Variants in TCOF1 observed in about 807,000 individuals in gnomAD.
The protein encoded by TCOF1 is treacle protein.
TCOF1 carries 33 observed loss-of-function variants against 149.0 expected under a neutral mutation model. That is an observed-to-expected ratio of 0.22 (90% CI 0.17 to 0.30). The LOEUF (loss-of-function observed/expected upper bound fraction) is 0.30, where lower values mean the gene tolerates loss of function less well. Among genes scored for constraint, TCOF1 ranks in the 10% least tolerant of loss-of-function variants. The pLI is 1.00. For missense variants in TCOF1, 1,728 were observed against 1,840.7 expected (o/e 0.94, Z 1.12); for synonymous variants, 789 against 738.8 (o/e 1.07, Z -1.10).
chr5:150,386,168 C>T (rs984646334), intron 17 of TCOF1, among the ~76,000 whole-genome samples: 3 of 152,216 alleles, frequency 2.0e-5, no homozygotes, highest in Non-Finnish European at 4.4e-5. Flanking sequence ...CCCCCTGCAC[C>T]ACCTCCCTCC....
rs750282344 is a variant in TCOF1, at chr5:150,396,746, G to C, written c.4249G>C (p.Glu1417Gln). The change falls in exon 24 of 27, where the codon GAG becomes CAG. Residue 1417 changes from glutamate (E) to glutamine (Q), a missense_variant. Transcript: ENST00000643257. Reference protein sequence around the residue: ...GSLGSQGAKDEPEEELQKGMG... With the variant: ...GSLGSQGAKDQPEEELQKGMG... ...TCTTGGCTCCCAAGGGGCCAAGGAC[G>C]AGCCAGAAGAGGAGCTTCAGAAGGG... 65 of 1,612,324 alleles carry C rather than the reference G, an allele frequency of 4.0e-5. No individual in the cohort carries two copies. Among genetic ancestry groups the C allele is most frequent in the Middle Eastern group, 3.3e-4 (2 of 6,048 alleles).
chr5:150,383,598 A>G (rs1427692552), intron 17 of TCOF1: 2 of 886,528 alleles, frequency 2.3e-6, no homozygotes, highest in Non-Finnish European at 3.6e-6. Flanking sequence ...AAGGGCAGGG[A>G]GTGTTGCCCC....
intron 4 of TCOF1, chr5:150,368,484 C>G: frequency 1.8e-6 from 1 of 571,220 alleles, no homozygotes; most frequent in Non-Finnish European, 3.1e-6. Flanking sequence ...CTACTTACCA[C>G]TTAGTAAATA....
intron 24 of TCOF1, among the ~76,000 whole-genome samples, chr5:150,398,067 C>T (rs1374144674): frequency 6.6e-6 from 1 of 152,202 alleles, no homozygotes; most frequent in Non-Finnish European, 1.5e-5. Context: ...GGACCACAGG[C>T]GTGCACCACC....
intron 26 of TCOF1, among the ~76,000 whole-genome samples, chr5:150,399,477 T>C (rs1476445475): frequency 6.6e-6 from 1 of 152,126 alleles, no homozygotes; most frequent in East Asian, 1.9e-4. Flanking sequence ...CAAGATGAGC[T>C]ATCACCATGG....
In TCOF1 at chr5:150,389,133, GTGTA is replaced by G. The variant is rs549382489; in HGVS notation, c.3047-750_3047-747del. On this transcript the variant is annotated intron_variant, in intron 18 of 26. Transcript: ENST00000643257. ...TATACATATACTTATACATATATGT[GTGTA>G]TGTGTGTGTATATTTTTTTAATAAA... 1.5e-4 allele frequency among the ~76,000 whole-genome samples: 23 copies of G among 152,232 alleles called. 1 individual carries two copies. In the East Asian group the frequency reaches 4.0e-3, roughly 27 times the overall value.
In TCOF1 at chr5:150,372,129, G is replaced by A. The variant is rs1401321682; in HGVS notation, c.763G>A (p.Gly255Arg). 1 of 1,614,114 alleles carries A rather than the reference G, an allele frequency of 6.2e-7. No individual in the cohort carries two copies. The highest frequency in any genetic ancestry group is 2.2e-5 in the East Asian group (1 of 44,892). Residue 255 changes from glycine to arginine, a missense_variant, in exon 7 of 27, where the codon GGG becomes AGG. Coordinates refer to ENST00000643257, the MANE Select transcript of TCOF1 (RefSeq NM_001371623.1). ...GGATGTGACACCCCAGGTCAAAGGA[G>A]GGGCCCTGCCCCCAGCCAAGAGGGC... is the stretch of plus-strand genomic sequence containing the variant. ...VGDVTPQVKG[G>R]ALPPAKRAKK...
In TCOF1 at chr5:150,374,733, G is replaced by A; in HGVS notation, c.1200G>A (p.Lys400=). The change falls in exon 9 of 27, where the codon AAG becomes AAA. Residue 400 remains lysine, a synonymous_variant. Transcript: ENST00000643257. ...PPGKTGPAVA[K]AQAGKREEDS... ...GGAAGACAGGGCCTGCAGTTGCCAA[G>A]GCCCAGGCGGGGAAGCGGGAGGAGG... is the stretch of plus-strand genomic sequence containing the variant. 6.2e-7 allele frequency: 1 copy of A among 1,613,096 alleles called. No homozygotes were observed. Among genetic ancestry groups the A allele is most frequent in the Non-Finnish European group, 8.5e-7 (1 of 1,179,776 alleles).
In TCOF1 at chr5:150,382,250, C is replaced by T. The variant is rs890687923; in HGVS notation, c.2859+2518C>T. ...ACCGCCTTAGCCATAGACAAGAGGC[C>T]GGTAGTTCCCATGACTGGCTGGGAG... On this transcript the variant is annotated intron_variant, in intron 17 of 26. Coordinates refer to ENST00000643257, the MANE Select transcript of TCOF1 (RefSeq NM_001371623.1). Among the ~76,000 whole-genome samples, 10 of 152,284 alleles carry T rather than the reference C, an allele frequency of 6.6e-5. No individual in the cohort carries two copies. The East Asian group carries it at 1.2e-3, about 18-fold the overall frequency.
At chr5:150,382,216 G>A (rs919026771) in intron 17 of TCOF1, among the ~76,000 whole-genome samples, 6 of 152,140 alleles carry the variant, frequency 3.9e-5, no homozygotes, top group African/African-American at 1.4e-4. Flanking sequence ...ACCTCAGGCT[G>A]GACGTTCTAC....
chr5:150,386,682 T>C (rs1766374676), intron 17 of TCOF1, among the ~76,000 whole-genome samples: 1 of 152,166 alleles, frequency 6.6e-6, no homozygotes, highest in African/African-American at 2.4e-5. Flanking sequence ...GCCCTCCAGC[T>C]CTTCACTGGC....
At chr5:150,391,509 TTG>T in intron 19 of TCOF1, 33 bp from the exon 20 acceptor site, 6 of 1,574,144 alleles carry the variant, frequency 3.8e-6, no homozygotes, top group Non-Finnish European at 5.2e-6. Flanking sequence ...TCCCAAGGAC[TTG>T]TGAGTCTGAG....
intron 1 of TCOF1, among the ~76,000 whole-genome samples, chr5:150,360,610 G>A (rs1278992072): frequency 1.3e-5 from 2 of 152,180 alleles, no homozygotes; most frequent in East Asian, 3.8e-4. Flanking sequence ...TCCACCTCTG[G>A]CCTTTCAAAG....
intron 1 of TCOF1, among the ~76,000 whole-genome samples, chr5:150,359,402 C>T (rs1459293348): frequency 1.3e-5 from 2 of 151,776 alleles, no homozygotes; most frequent in African/African-American, 4.8e-5. Context: ...GGCCAGATGC[C>T]CCTGGGGAGA....
intron 9 of TCOF1, 44 bp from the exon 10 acceptor site, chr5:150,374,910 C>T (rs767980739): frequency 1.6e-5 from 26 of 1,613,724 alleles, no homozygotes; most frequent in South Asian, 2.2e-5. Flanking sequence ...TGTCTCCACA[C>T]GTCCACCCTC....
chr5:150,391,528 C>T lies in TCOF1; in HGVS notation c.3184-16C>T. On this transcript the variant is annotated splice_polypyrimidine_tract_variant and intron_variant, in intron 19 of 26. Transcript: ENST00000643257. ...AAGGACTTGTGAGTCTGAGGGCTAC[C>T]TCTTGCCACCCACAGGTGTCAAAGA... is the stretch of plus-strand genomic sequence containing the variant. 1 of 1,606,602 alleles carries T rather than the reference C, an allele frequency of 6.2e-7. No homozygotes were observed. Among genetic ancestry groups the T allele is most frequent in the Non-Finnish European group, 8.5e-7 (1 of 1,173,210 alleles).
intron 1 of TCOF1, 146 bp downstream of exon 1, chr5:150,358,000 G>A (rs1197741828): frequency 4.1e-6 from 3 of 733,150 alleles, no homozygotes; most frequent in Non-Finnish European, 6.4e-6. Context: ...GGTACCGGAG[G>A]AGCCGCAATC....
intron 12 of TCOF1, 43 bp from the exon 13 acceptor site, chr5:150,376,037 CTG>C: frequency 6.2e-7 from 1 of 1,613,160 alleles, no homozygotes; most frequent in South Asian, 1.1e-5. Context: ...ATGGGGGACT[CTG>C]AGTTCAGGAA....
At chr5:150,367,631 C>A in intron 3 of TCOF1, 1 of 599,430 alleles carries the variant, frequency 1.7e-6, no homozygotes, top group Non-Finnish European at 3.0e-6. Context: ...AGACACATAG[C>A]TTCATGTTAC....
Sources: allele counts gnomAD v4.1 joint callset (sites outside exome capture counted in the v4.1 genomes callset), GRCh38; gene constraint gnomAD v4.1.1; transcripts MANE v1.5; gene names NCBI Gene and HGNC (gene_info 2026-07-23, HGNC 2026-07-21).